SSH2: variants seen among roughly 807,000 people sequenced by gnomAD.
SSH2 encodes the protein slingshot protein phosphatase 2.
A neutral mutation model predicts 135.2 loss-of-function variants in SSH2; 37 were observed. The ratio of observed to expected loss-of-function variants is 0.27; its 90% CI spans 0.21 to 0.36. The LOEUF (loss-of-function observed/expected upper bound fraction) is 0.36, where lower values mean the gene tolerates loss of function less well. Ranked by LOEUF, SSH2 falls within the 10% of genes least tolerant of loss-of-function variation. SSH2 has a pLI of 1.00. For synonymous variants in SSH2, 628 were observed against 646.2 expected, an observed-to-expected ratio of 0.97 and a Z score of 0.43; for missense variants, 1,408 against 1,765.3, an observed-to-expected ratio of 0.80 and a Z score of 3.63.
intron 3 of SSH2, among the ~76,000 whole-genome samples, chr17:29,760,875 C>G (rs954733221): frequency 2.0e-5 from 3 of 152,162 alleles, no homozygotes; most frequent in Non-Finnish European, 4.4e-5. Flanking sequence ...TTCTGAGGGA[C>G]AACCCGCACT....
chr17:29,674,791 CAA>C (rs977120658), intron 8 of SSH2, among the ~76,000 whole-genome samples: 7 of 151,916 alleles, frequency 4.6e-5, no homozygotes, highest in African/African-American at 1.7e-4. Context: ...AAAAAAAATG[CAA>C]AAAAATCTCA....
intron 2 of SSH2, chr17:29,839,011 T>A (rs1474475706): frequency 1.3e-5 from 2 of 152,434 alleles, no homozygotes; most frequent in African/African-American, 4.8e-5. Flanking sequence ...AGGAGCTCAA[T>A]GAGCCAGGGT....
intron 3 of SSH2, among the ~76,000 whole-genome samples, chr17:29,765,952 G>A (rs1202880084): frequency 6.9e-6 from 1 of 144,968 alleles, no homozygotes; most frequent in Admixed American, 7.0e-5. Context: ...CCTGGGAGGC[G>A]GATGTTGCAG....
chr17:29,653,578 A>G (rs556443336), intron 12 of SSH2, among the ~76,000 whole-genome samples: 1 of 152,014 alleles, frequency 6.6e-6, no homozygotes, highest in Non-Finnish European at 1.5e-5. Context: ...TAGGTTTCCC[A>G]GAAGTACAGA....
At chr17:29,834,525 G>A (rs1484333102) in intron 2 of SSH2, among the ~76,000 whole-genome samples, 2 of 152,042 alleles carry the variant, frequency 1.3e-5, no homozygotes, top group East Asian at 3.8e-4. Flanking sequence ...TGTGTTGAAA[G>A]TCTTTTTCCC....
At chr17:29,710,479 A>G (rs576106183) in intron 3 of SSH2, among the ~76,000 whole-genome samples, 2 of 152,346 alleles carry the variant, frequency 1.3e-5, no homozygotes, top group East Asian at 1.9e-4. Context: ...GTCTTGAAGA[A>G]TACTCATCTA....
intron 3 of SSH2, 91 bp from the exon 4 acceptor site, chr17:29,703,153 A>T: frequency 3.4e-6 from 3 of 880,980 alleles, no homozygotes; most frequent in Non-Finnish European, 5.7e-6. Flanking sequence ...TCTCTTCTCT[A>T]TTCCAAAGTC....
At position 29,629,208 on chromosome 17, in the gene SSH2, C is replaced by T. The variant is rs568530876; in HGVS notation, c.*1633G>A. The T allele has an allele frequency of 6.6e-6, 1 of 152,590 alleles. No individual in the cohort carries two copies. The highest frequency in any genetic ancestry group is 1.5e-5 in the Non-Finnish European group (1 of 68,044). The allele number at this position is 152,590 out of a possible 1,614,324, so 9.5% of individuals were successfully genotyped here. A position where few individuals can be genotyped will look rare whatever the true frequency, so the allele number is the denominator to read the frequency against. ...GCGTTAAGGATCTCCACAACAGTAG[C>T]AAAACGACAGCATCCTAAATGGAGT... On this transcript the variant is annotated 3_prime_UTR_variant, in exon 16 of 16. Transcript: ENST00000540801.
chr17:29,756,263 C>CAAAA (rs1375228462), intron 3 of SSH2, among the ~76,000 whole-genome samples: 2 of 82,702 alleles, frequency 2.4e-5, no homozygotes, highest in Non-Finnish European at 5.0e-5. Flanking sequence ...GACTCTGTCT[C>CAAAA]AAAAAAAAAA....
chr17:29,662,473 A>C (rs1188700643), intron 11 of SSH2, among the ~76,000 whole-genome samples: 1 of 152,162 alleles, frequency 6.6e-6, no homozygotes, highest in African/African-American at 2.4e-5. Flanking sequence ...CTGTTTATTA[A>C]CTTTTCCTTC....
intron 3 of SSH2, among the ~76,000 whole-genome samples, chr17:29,777,050 A>G (rs2041718512): frequency 6.6e-6 from 1 of 152,044 alleles, no homozygotes. Flanking sequence ...TGTCTCTACT[A>G]AAAATACAAA....
intron 1 of SSH2, among the ~76,000 whole-genome samples, chr17:29,890,787 C>T (rs1267381639): frequency 3.3e-5 from 5 of 151,980 alleles, no homozygotes; most frequent in African/African-American, 4.8e-5. Flanking sequence ...TAAAGCTGTT[C>T]GCTCTGTCAC....
chr17:29,671,672 G>A (rs1185694689), intron 9 of SSH2, among the ~76,000 whole-genome samples: 3 of 152,146 alleles, frequency 2.0e-5, no homozygotes, highest in Non-Finnish European at 4.4e-5. Flanking sequence ...CAAATTAATG[G>A]AATCTGAATA....
chr17:29,921,191 A>T (rs908524862), intron 1 of SSH2, among the ~76,000 whole-genome samples: 1 of 152,212 alleles, frequency 6.6e-6, no homozygotes, highest in Non-Finnish European at 1.5e-5. Context: ...CACTTCACTT[A>T]TCTGAGTCTG....
intron 1 of SSH2, among the ~76,000 whole-genome samples, chr17:29,854,091 A>G (rs1454491269): frequency 6.6e-6 from 1 of 151,988 alleles, no homozygotes; most frequent in Admixed American, 6.6e-5. Flanking sequence ...CATTTGGGTT[A>G]AAATTTTCTT....
intron 2 of SSH2, among the ~76,000 whole-genome samples, chr17:29,811,696 C>A: frequency 6.6e-6 from 1 of 151,996 alleles, no homozygotes; most frequent in East Asian, 1.9e-4. Context: ...AGCCTCCCAA[C>A]TAGCTGGGAC....
chr17:29,888,083 TAA>T (rs1490040919), intron 1 of SSH2, among the ~76,000 whole-genome samples: 1 of 151,972 alleles, frequency 6.6e-6, no homozygotes, highest in African/African-American at 2.4e-5. Context: ...CAAAAAAATT[TAA>T]AAGTTAGCCA....
chr17:29,767,582 A>T (rs1438339824), intron 3 of SSH2, among the ~76,000 whole-genome samples: 1 of 151,974 alleles, frequency 6.6e-6, no homozygotes, highest in Non-Finnish European at 1.5e-5. Context: ...ATATGCAAAC[A>T]GCAATATATT....
intron 2 of SSH2, among the ~76,000 whole-genome samples, chr17:29,808,758 T>C (rs1403224094): frequency 6.6e-6 from 1 of 152,154 alleles, no homozygotes; most frequent in African/African-American, 2.4e-5. Context: ...GATATGTGCA[T>C]TTGCCTCAGC....
Sources: gnomAD v4.1 joint callset for allele counts (sites outside exome capture counted in the v4.1 genomes callset) on GRCh38, gnomAD v4.1.1 for gene constraint, MANE v1.5 for transcripts, NCBI Gene and HGNC (gene_info 2026-07-23, HGNC 2026-07-21) for gene names.